Variants in RNGTT observed in about 807,000 individuals in gnomAD.
RNGTT encodes mRNA-capping enzyme.
In RNGTT, 33 loss-of-function variants were observed where a neutral mutation model predicts 79.3. The observed-to-expected ratio is 0.42, with a 90% CI of 0.32 to 0.56. The LOEUF is 0.56. RNGTT is among the 20% of genes least tolerant of loss of function. RNGTT has a pLI of 0.17. For missense variants in RNGTT, 497 were observed against 739.1 expected (o/e 0.67, Z 3.80); for synonymous variants, 222 against 235.9 (o/e 0.94, Z 0.54).
At chr6:88,733,752 A>G (rs187464392) in intron 13 of RNGTT, among the ~76,000 whole-genome samples, 3 of 152,144 alleles carry the variant, frequency 2.0e-5, no homozygotes, top group Admixed American at 6.5e-5. Flanking sequence ...CATAACAAGA[A>G]TCGCATCAGA....
At chr6:88,962,046 C>T (rs1194219427) in intron 1 of RNGTT, among the ~76,000 whole-genome samples, 1 of 152,188 alleles carries the variant, frequency 6.6e-6, no homozygotes, top group Non-Finnish European at 1.5e-5. Flanking sequence ...AAAAAAGCCA[C>T]ACACACTTCC....
chr6:88,728,879 G>A (rs1050360382), intron 13 of RNGTT, among the ~76,000 whole-genome samples: 2 of 152,212 alleles, frequency 1.3e-5, no homozygotes. Flanking sequence ...AGATGCAAAT[G>A]CCTGGTTGAA....
At chr6:88,904,574 A>AAAAT in intron 6 of RNGTT, 141 bp downstream of exon 6, 1 of 867,688 alleles carries the variant, frequency 1.2e-6, no homozygotes, top group Non-Finnish European at 1.6e-6. Flanking sequence ...AAAAAAAAAA[A>AAAAT]TTTTTTTTTT....
intron 13 of RNGTT, among the ~76,000 whole-genome samples, chr6:88,702,343 G>A (rs1350812515): frequency 1.3e-5 from 2 of 152,186 alleles, no homozygotes; most frequent in East Asian, 3.9e-4. Flanking sequence ...CAAACCACAT[G>A]ATACTGGTAC....
At chr6:88,909,558 G>C (rs543106687) in intron 4 of RNGTT, among the ~76,000 whole-genome samples, 1 of 152,232 alleles carries the variant, frequency 6.6e-6, no homozygotes, top group South Asian at 2.1e-4. Flanking sequence ...TAAGCGAGCA[G>C]GAAGAGAAGC....
At chr6:88,752,536 T>C (rs1777874776) in intron 13 of RNGTT, among the ~76,000 whole-genome samples, 1 of 152,162 alleles carries the variant, frequency 6.6e-6, no homozygotes, top group Admixed American at 6.5e-5. Flanking sequence ...GACTACAATA[T>C]AACTGCTTCA....
intron 13 of RNGTT, among the ~76,000 whole-genome samples, chr6:88,685,957 G>A (rs1775262334): frequency 6.6e-6 from 1 of 151,020 alleles, no homozygotes; most frequent in African/African-American, 2.4e-5. Flanking sequence ...ATTAAGGCAA[G>A]GAAAAACATG....
intron 10 of RNGTT, among the ~76,000 whole-genome samples, chr6:88,847,655 T>C (rs1781528706): frequency 6.6e-6 from 1 of 152,050 alleles, no homozygotes; most frequent in South Asian, 2.1e-4. Context: ...AATAAACAAT[T>C]ATTGACCTAA....
At position 88,666,257 on chromosome 6, in the gene RNGTT, G is replaced by A. The variant is rs114962694; in HGVS notation, c.1506+12096C>T. Reference sequence around the variant, plus strand: ...AAAGCCATTTACATTGTATGTGTCAGAAAGAAAAAAAATAGCAGTCGGAGT... The same window carrying A: ...AAAGCCATTTACATTGTATGTGTCAAAAAGAAAAAAAATAGCAGTCGGAGT... On this transcript the variant is annotated intron_variant, in intron 14 of 15. Coordinates refer to ENST00000369485, the MANE Select transcript of RNGTT (RefSeq NM_003800.5). Among the ~76,000 whole-genome samples the A allele has an allele frequency of 3.5e-3, 531 of 152,210 alleles. 1 individual carries two copies. The highest frequency in any genetic ancestry group is 0.012 in the African/African-American group (493 of 41,546).
intron 11 of RNGTT, among the ~76,000 whole-genome samples, chr6:88,822,627 A>T (rs533460159): frequency 1.3e-5 from 2 of 152,304 alleles, no homozygotes; most frequent in South Asian, 4.1e-4. Flanking sequence ...TTCTCCATCT[A>T]CTGTCAACTA....
chr6:88,762,045 C>T (rs1366004375), intron 13 of RNGTT, among the ~76,000 whole-genome samples: 1 of 152,012 alleles, frequency 6.6e-6, no homozygotes, highest in Non-Finnish European at 1.5e-5. Context: ...CAGACACTTA[C>T]TTTAAACAGA....
chr6:88,806,642 G>T (rs1449451890), intron 11 of RNGTT, among the ~76,000 whole-genome samples: 1 of 152,152 alleles, frequency 6.6e-6, no homozygotes, highest in Non-Finnish European at 1.5e-5. Flanking sequence ...TACACTGTGA[G>T]TGGGAGTGTA....
At chr6:88,728,841 A>G (rs1777008968) in intron 13 of RNGTT, among the ~76,000 whole-genome samples, 1 of 152,214 alleles carries the variant, frequency 6.6e-6, no homozygotes, top group African/African-American at 2.4e-5. Flanking sequence ...AAGACTTAAA[A>G]CAAACTTTGG....
At position 88,751,303 on chromosome 6, in the gene RNGTT, C is replaced by T. The variant is rs556749155; in HGVS notation, c.1439+18471G>A. On this transcript the variant is annotated intron_variant, in intron 13 of 15. Transcript: ENST00000369485. Reference sequence around the variant, plus strand: ...CTTCTACAATGAACCCACTTAAATGCTCATGCAATTTTTAAATCTAAATAC... The same window carrying T: ...CTTCTACAATGAACCCACTTAAATGTTCATGCAATTTTTAAATCTAAATAC... 9.9e-5 allele frequency among the ~76,000 whole-genome samples: 15 copies of T among 152,208 alleles called. No homozygotes were observed. The South Asian group carries it at 2.1e-3, about 21-fold the overall frequency.
intron 13 of RNGTT, among the ~76,000 whole-genome samples, chr6:88,740,664 G>GA (rs1777457007): frequency 2.6e-5 from 4 of 152,202 alleles, no homozygotes; most frequent in Admixed American, 2.6e-4. Flanking sequence ...CACAGGAACA[G>GA]AAAACCAAAC....
intron 13 of RNGTT, among the ~76,000 whole-genome samples, chr6:88,684,057 A>T (rs533364298): frequency 1.3e-3 from 203 of 152,322 alleles, no homozygotes; most frequent in Middle Eastern, 6.8e-3. Flanking sequence ...AATCTGATTT[A>T]AAAATGAGCA....
chr6:88,923,863 T>C (rs945417930), intron 4 of RNGTT, among the ~76,000 whole-genome samples: 1 of 152,174 alleles, frequency 6.6e-6, no homozygotes, highest in East Asian at 1.9e-4. Context: ...ATTAAAATAG[T>C]TTTGTTCCAA....
intron 11 of RNGTT, among the ~76,000 whole-genome samples, chr6:88,834,228 A>G (rs1397051611): frequency 2.6e-5 from 4 of 152,342 alleles, no homozygotes; most frequent in African/African-American, 9.6e-5. Context: ...TCATGTGTCA[A>G]TGAATAAGAT....
At chr6:88,722,238 T>C (rs188452812) in intron 13 of RNGTT, among the ~76,000 whole-genome samples, 6 of 152,030 alleles carry the variant, frequency 3.9e-5, no homozygotes, top group African/African-American at 1.5e-4. Context: ...ATTTTTTCAT[T>C]AAGCAATTAA....
Sources: gnomAD v4.1 joint callset for allele counts (sites outside exome capture counted in the v4.1 genomes callset) on GRCh38, gnomAD v4.1.1 for gene constraint, MANE v1.5 for transcripts, NCBI Gene and HGNC (gene_info 2026-07-23, HGNC 2026-07-21) for gene names.